WDR49: variants seen among roughly 807,000 people sequenced by gnomAD.
WDR49 encodes cilia- and flagella-associated protein 337.
Under a neutral mutation model 119.5 loss-of-function variants are expected in WDR49, and 107 were observed. The ratio of observed to expected loss-of-function variants is 0.90; its 90% confidence interval spans 0.77 to 1.05. WDR49 has a LOEUF of 1.05. Ranked by LOEUF, WDR49 falls within the 50% of genes least tolerant of loss-of-function variation. The pLI is 0.00. For synonymous variants in WDR49, 425 were observed against 418.8 expected, an observed-to-expected ratio of 1.01 and a Z score of -0.18; for missense variants, 1,240 against 1,220.5, an observed-to-expected ratio of 1.02 and a Z score of -0.24.
chr3:167,649,395 AG>A (rs1213629908), intron 2 of WDR49, among the ~76,000 whole-genome samples: 10 of 152,212 alleles, frequency 6.6e-5, no homozygotes, highest in African/African-American at 2.4e-4. Flanking sequence ...CAACATCCTC[AG>A]CTTTGTCTTG....
chr3:167,525,030 G>T (rs1752584541), intron 15 of WDR49, among the ~76,000 whole-genome samples: 1 of 152,012 alleles, frequency 6.6e-6, no homozygotes, highest in Non-Finnish European at 1.5e-5. Flanking sequence ...GATTCTTCCT[G>T]TTCATGAGCA....
intron 18 of WDR49, among the ~76,000 whole-genome samples, chr3:167,488,188 A>ACTATG (rs1750998378): frequency 1.4e-5 from 2 of 139,004 alleles, no homozygotes; most frequent in East Asian, 4.1e-4. Flanking sequence ...ACACACACAC[A>ACTATG]CACACCATGG....
At position 167,626,954 on chromosome 3, in the gene WDR49, TC is replaced by T; in HGVS notation, c.503del (p.Gly168GlufsTer4). On this transcript the variant is annotated frameshift_variant, in exon 3 of 19. Coordinates refer to ENST00000682715, the MANE Select transcript of WDR49 (RefSeq NM_001366157.1). LOFTEE classifies it high-confidence loss of function. ...ATGTTTCTTGCAGCTTTAAATGCTCTCCCCAGATTGCCAATAAACCTTCTTT... is the reference window on the plus strand; with the variant it reads ...ATGTTTCTTGCAGCTTTAAATGCTCTCCCAGATTGCCAATAAACCTTCTTT... ...ISKEGLLAIW[G>X]EHLKLQETFP... 1 of 1,327,670 alleles carries T rather than the reference TC, an allele frequency of 7.5e-7. No individual in the cohort carries two copies. The highest frequency in any genetic ancestry group is 9.6e-7 in the Non-Finnish European group (1 of 1,040,182). 82.2% of individuals were successfully genotyped at this position (1,327,670 alleles called of 1,614,324 possible).
At chr3:167,615,459 A>AAAAG (rs1160736691) in intron 5 of WDR49, among the ~76,000 whole-genome samples, 4 of 151,314 alleles carry the variant, frequency 2.6e-5, no homozygotes, top group Non-Finnish European at 4.4e-5. Context: ...AAAAAAAAAA[A>AAAAG]AAAGAAAGAA....
At chr3:167,514,347 G>A (rs1752108007) in intron 16 of WDR49, among the ~76,000 whole-genome samples, 1 of 152,078 alleles carries the variant, frequency 6.6e-6, no homozygotes, top group African/African-American at 2.4e-5. Flanking sequence ...TCCTGCTCTT[G>A]AATGACTCCT....
intron 8 of WDR49, among the ~76,000 whole-genome samples, chr3:167,564,065 T>C (rs1713440216): frequency 6.6e-6 from 1 of 152,210 alleles, no homozygotes; most frequent in Non-Finnish European, 1.5e-5. Flanking sequence ...AATGAGGAAT[T>C]AGTAATGTTC....
At chr3:167,646,057 A>G (rs982367717) in intron 2 of WDR49, among the ~76,000 whole-genome samples, 1 of 152,162 alleles carries the variant, frequency 6.6e-6, no homozygotes, top group Admixed American at 6.6e-5. Flanking sequence ...CTGAGGCACC[A>G]GCATCTGGTA....
chr3:167,533,155 C>T (rs750165396), intron 11 of WDR49, among the ~76,000 whole-genome samples, 178 bp from the exon 12 acceptor site: 1 of 152,092 alleles, frequency 6.6e-6, no homozygotes, highest in Non-Finnish European at 1.5e-5. Context: ...AACTCTAGAG[C>T]TTACAATCCC....
intron 5 of WDR49, among the ~76,000 whole-genome samples, chr3:167,619,577 T>C (rs1326288494): frequency 6.6e-6 from 1 of 152,090 alleles, no homozygotes; most frequent in East Asian, 1.9e-4. Flanking sequence ...GAGGGTAAAA[T>C]TACCAAAAAG....
At chr3:167,486,878 G>C (rs1290816675) in intron 18 of WDR49, among the ~76,000 whole-genome samples, 1 of 152,002 alleles carries the variant, frequency 6.6e-6, no homozygotes, top group African/African-American at 2.4e-5. Flanking sequence ...TGATCAATTG[G>C]ACCTAATTGA....
intron 10 of WDR49, among the ~76,000 whole-genome samples, chr3:167,540,618 T>C (rs909676345): frequency 5.3e-5 from 8 of 152,080 alleles, no homozygotes; most frequent in South Asian, 2.1e-4. Flanking sequence ...AGAAAAGTAA[T>C]TCTGGTAATA....
intron 2 of WDR49, chr3:167,633,569 C>A (rs1245588061): frequency 3.0e-5 from 13 of 439,320 alleles, no homozygotes; most frequent in Non-Finnish European, 5.4e-5. Context: ...AGAAAGAAAG[C>A]AAAGATAACC....
intron 10 of WDR49, among the ~76,000 whole-genome samples, chr3:167,539,816 A>G (rs1711675347): frequency 6.6e-6 from 1 of 152,060 alleles, no homozygotes; most frequent in Non-Finnish European, 1.5e-5. Flanking sequence ...TGTGATCTAT[A>G]TTTACTTGTT....
intron 3 of WDR49, among the ~76,000 whole-genome samples, chr3:167,622,396 A>G (rs532414934): frequency 6.6e-6 from 1 of 152,112 alleles, no homozygotes; most frequent in South Asian, 2.1e-4. Context: ...GAAAGAAAGA[A>G]ACAAATGAGA....
At chr3:167,627,512 A>C (rs1218189491) in intron 2 of WDR49, among the ~76,000 whole-genome samples, 1 of 152,116 alleles carries the variant, frequency 6.6e-6, no homozygotes, top group Non-Finnish European at 1.5e-5. Flanking sequence ...ACAAAAAGTC[A>C]ATCACAAAAG....
At chr3:167,645,335 C>T (rs1220675819) in intron 2 of WDR49, among the ~76,000 whole-genome samples, 2 of 151,958 alleles carry the variant, frequency 1.3e-5, no homozygotes, top group African/African-American at 4.8e-5. Flanking sequence ...CTCAGCCTCC[C>T]GAGTAGCTGG....
At chr3:167,485,669 C>A (rs780249616) in intron 18 of WDR49, among the ~76,000 whole-genome samples, 3 of 152,100 alleles carry the variant, frequency 2.0e-5, no homozygotes, top group South Asian at 2.1e-4. Context: ...AACCTCAGCA[C>A]TCAAAGACTG....
upstream of WDR49, among the ~76,000 whole-genome samples, chr3:167,654,374 A>G (rs746200816): frequency 3.9e-5 from 6 of 152,224 alleles, no homozygotes; most frequent in Non-Finnish European, 7.3e-5. Flanking sequence ...TGAAAATGTG[A>G]TAAAAAAACA....
chr3:167,599,698 A>G (rs1715663633), intron 7 of WDR49, among the ~76,000 whole-genome samples: 1 of 152,202 alleles, frequency 6.6e-6, no homozygotes, highest in Non-Finnish European at 1.5e-5. Flanking sequence ...CCTGAAGTCA[A>G]CACATCTCAG....
Sources: gnomAD v4.1 joint callset for allele counts (sites outside exome capture counted in the v4.1 genomes callset) on GRCh38, gnomAD v4.1.1 for gene constraint, MANE v1.5 for transcripts, NCBI Gene and HGNC (gene_info 2026-07-23, HGNC 2026-07-21) for gene names.